Variants in ZNF618 observed in about 807,000 individuals in gnomAD.
The protein encoded by ZNF618 is zinc finger protein 618.
ZNF618 carries 34 observed loss-of-function variants against 103.0 expected under a neutral mutation model. The observed-to-expected ratio is 0.33, with a 90% CI of 0.25 to 0.44. The LOEUF (loss-of-function observed/expected upper bound fraction) is 0.44. ZNF618 is among the 20% of genes least tolerant of loss of function. The probability of loss-of-function intolerance (pLI) is 1.00; values close to 1 mark genes in which losing one functional copy is unlikely to be tolerated. For missense variants in ZNF618, 1,059 were observed against 1,295.4 expected, an observed-to-expected ratio of 0.82 and a Z score of 2.80; for synonymous variants, 551 against 542.2, an observed-to-expected ratio of 1.02 and a Z score of -0.23.
At chr9:113,895,635 TG>T (rs772622021) in intron 1 of ZNF618, among the ~76,000 whole-genome samples, 1 of 152,150 alleles carries the variant, frequency 6.6e-6, no homozygotes, top group Non-Finnish European at 1.5e-5. Flanking sequence ...TTATTGGTAG[TG>T]GTCGCTGAGA....
intron 1 of ZNF618, among the ~76,000 whole-genome samples, chr9:113,951,471 G>GTGTGTATATATATACATA (rs1835668687): frequency 7.4e-5 from 2 of 27,154 alleles, no homozygotes; most frequent in Non-Finnish European, 1.6e-4. Context: ...ATATATGTGT[G>GTGTGTATATATATACATA]TATGTGTACA....
chr9:114,028,400 C>T (rs1307267525), intron 10 of ZNF618: 5 of 278,728 alleles, frequency 1.8e-5, no homozygotes, highest in African/African-American at 8.6e-5. Context: ...GCTTAGAAAC[C>T]AACATTCTAG....
chr9:113,961,227 T>G (rs1836818304), intron 1 of ZNF618, among the ~76,000 whole-genome samples: 1 of 152,224 alleles, frequency 6.6e-6, no homozygotes, highest in African/African-American at 2.4e-5. Flanking sequence ...GACTTTTCCC[T>G]TCAGAGCACG....
At chr9:113,886,186 A>C (rs1273179401) in intron 1 of ZNF618, among the ~76,000 whole-genome samples, 1 of 152,182 alleles carries the variant, frequency 6.6e-6, no homozygotes, top group Non-Finnish European at 1.5e-5. Context: ...CTCAAAGTCA[A>C]AAGTGCTTTT....
At chr9:114,002,500 C>A in intron 5 of ZNF618, 124 bp from the exon 6 acceptor site, 3 of 1,063,856 alleles carry the variant, frequency 2.8e-6, no homozygotes, top group Non-Finnish European at 4.1e-6. Context: ...AGGCTGGCAT[C>A]AGGGGCCCGG....
At chr9:113,889,350 T>TCTCTCTCTCTCTCTCTCTCCCTCC (rs1191014933) in intron 1 of ZNF618, among the ~76,000 whole-genome samples, 1 of 148,360 alleles carries the variant, frequency 6.7e-6, no homozygotes, top group Admixed American at 7.3e-5. Flanking sequence ...TCTCTCTTTC[T>TCTCTCTCTCTCTCTCTCTCCCTCC]CTCCCTCCCT....
At chr9:114,003,391 G>A (rs1841437744) in intron 6 of ZNF618, among the ~76,000 whole-genome samples, 1 of 152,212 alleles carries the variant, frequency 6.6e-6, no homozygotes, top group Non-Finnish European at 1.5e-5. Flanking sequence ...ACAGAAACGG[G>A]TGTATATCTG....
chr9:114,019,124 T>C lies in ZNF618; in HGVS notation c.844+2340T>C, dbSNP rs140484855. On this transcript the variant is annotated intron_variant, in intron 10 of 14. Coordinates refer to ENST00000374126, the MANE Select transcript of ZNF618 (RefSeq NM_001318042.2). Reference sequence around the variant, plus strand: ...CTATATTCTTTTATGTCTGACTTCTTTTGCTCAGCAGAATGTTTTTAAGAT... The same window carrying C: ...CTATATTCTTTTATGTCTGACTTCTCTTGCTCAGCAGAATGTTTTTAAGAT... 2.8e-3 allele frequency among the ~76,000 whole-genome samples: 419 copies of C among 152,360 alleles called. 2 individuals carry two copies. Among genetic ancestry groups the C allele is most frequent in the African/African-American group, 6.9e-3 (285 of 41,580 alleles).
chr9:113,911,618 C>G (rs76733833), intron 1 of ZNF618, among the ~76,000 whole-genome samples: 2,266 of 152,208 alleles, frequency 0.015, 46 homozygotes, highest in African/African-American at 0.052. Flanking sequence ...CGTGAGCCAC[C>G]GTGCCTGGCC....
intron 1 of ZNF618, among the ~76,000 whole-genome samples, chr9:113,941,558 G>A (rs1238648353): frequency 6.6e-6 from 1 of 152,140 alleles, no homozygotes; most frequent in Non-Finnish European, 1.5e-5. Context: ...TGAGTGATGA[G>A]TTGGTTTGCA....
intron 1 of ZNF618, among the ~76,000 whole-genome samples, chr9:113,967,394 A>G (rs1418830913): frequency 6.6e-6 from 1 of 152,212 alleles, no homozygotes; most frequent in Non-Finnish European, 1.5e-5. Flanking sequence ...GAAATAATAC[A>G]TGGGCAGCTC....
chr9:113,992,590 C>T (rs1840179684), intron 3 of ZNF618, among the ~76,000 whole-genome samples: 1 of 152,130 alleles, frequency 6.6e-6, no homozygotes. Context: ...CTCCTGAGTA[C>T]TTCGCTAACC....
Position 113,910,307 on chromosome 9 carries a change from C to T in ZNF618, c.33+33894C>T, listed in dbSNP as rs141607861. Among the ~76,000 whole-genome samples the T allele has an allele frequency of 5.5e-3, 843 of 152,246 alleles. 8 individuals are homozygous for T. Among genetic ancestry groups the T allele is most frequent in the African/African-American group, 0.02 (812 of 41,520 alleles). On this transcript the variant is annotated intron_variant, in intron 1 of 14. Transcript: ENST00000374126. ...CTAAGTAGGGGAGCCTCCTGACCAG[C>T]CAGCTTCTAATTCCAGGTCTGTGTT...
At position 113,932,570 on chromosome 9, in the gene ZNF618, G is replaced by C. The variant is rs150776281; in HGVS notation, c.34-36547G>C. 1.8e-3 allele frequency among the ~76,000 whole-genome samples: 274 copies of C among 152,274 alleles called. 1 individual carries two copies. The highest frequency in any genetic ancestry group is 6.3e-3 in the African/African-American group (263 of 41,560). On this transcript the variant is annotated intron_variant, in intron 1 of 14. Coordinates refer to ENST00000374126, the MANE Select transcript of ZNF618 (RefSeq NM_001318042.2). ...GGTTTGGAAGAGAGGACAGTAGAGA[G>C]GTGGTGGAGAGAGAGTGAGGAGAGG... is the stretch of plus-strand genomic sequence containing the variant.
intron 1 of ZNF618, among the ~76,000 whole-genome samples, chr9:113,906,432 C>T (rs1382834471): frequency 6.6e-6 from 1 of 152,104 alleles, no homozygotes; most frequent in Non-Finnish European, 1.5e-5. Context: ...GTTGTAGGGT[C>T]GTTTTAGTCA....
At chr9:113,921,213 C>G (rs1384217400) in intron 1 of ZNF618, among the ~76,000 whole-genome samples, 2 of 152,232 alleles carry the variant, frequency 1.3e-5, no homozygotes, top group Non-Finnish European at 2.9e-5. Flanking sequence ...CTGGGTGTTC[C>G]TAGGCAAATT....
rs1258692688 is a variant in ZNF618, at chr9:113,974,990, A to G, written c.77+5830A>G. 2.0e-5 allele frequency among the ~76,000 whole-genome samples: 3 copies of G among 152,330 alleles called. No individual in the cohort carries two copies. The East Asian group carries it at 5.8e-4, about 29-fold the overall frequency. On this transcript the variant is annotated intron_variant, in intron 2 of 14. Coordinates refer to ENST00000374126, the MANE Select transcript of ZNF618 (RefSeq NM_001318042.2). ...GTCAATGACGATTAGGTGTAATAATATATATACCCTTAGCACAATTCCTAG... is the reference window on the plus strand; with the variant it reads ...GTCAATGACGATTAGGTGTAATAATGTATATACCCTTAGCACAATTCCTAG...
chr9:113,888,772 G>A (rs1829317834), intron 1 of ZNF618, among the ~76,000 whole-genome samples: 3 of 152,184 alleles, frequency 2.0e-5, no homozygotes, highest in Admixed American at 2.0e-4. Flanking sequence ...TGTACAATAA[G>A]GGCTTGGACT....
chr9:114,001,832 A>C (rs1841236480), intron 4 of ZNF618, among the ~76,000 whole-genome samples, 164 bp from the exon 5 acceptor site: 1 of 152,054 alleles, frequency 6.6e-6, no homozygotes, highest in African/African-American at 2.4e-5. Context: ...ACCTGGATCT[A>C]GACCCAGGCC....
Sources: gnomAD v4.1 joint callset for allele counts (sites outside exome capture counted in the v4.1 genomes callset) on GRCh38, gnomAD v4.1.1 for gene constraint, MANE v1.5 for transcripts, NCBI Gene and HGNC (gene_info 2026-07-23, HGNC 2026-07-21) for gene names.